The following SULF2 variants were observed in gnomAD, a reference collection of about 807,000 sequenced individuals.
The protein encoded by SULF2 is sulfatase 2.
SULF2 carries 52 observed loss-of-function variants against 107.7 expected under a neutral mutation model. That is an observed-to-expected ratio of 0.48 (90% CI 0.39 to 0.61). SULF2 has a LOEUF of 0.61. Ranked by LOEUF, SULF2 falls within the 20% of genes least tolerant of loss-of-function variation. SULF2 has a pLI of 0.00. For synonymous variants in SULF2, 460 were observed against 464.3 expected, an observed-to-expected ratio of 0.99 and a Z score of 0.12; for missense variants, 993 against 1,177.3, an observed-to-expected ratio of 0.84 and a Z score of 2.29.
chr20:47,672,416 G>T (rs576450340), intron 10 of SULF2, 23 bp from the exon 11 acceptor site: 1 of 1,553,576 alleles, frequency 6.4e-7, no homozygotes, highest in South Asian at 1.2e-5. Context: ...CCAGGGCCTC[G>T]GCCAGCTGCT....
chr20:47,659,641 A>G (rs2087001690), intron 19 of SULF2, 56 bp downstream of exon 19: 1 of 1,508,776 alleles, frequency 6.6e-7, no homozygotes, highest in Non-Finnish European at 9.2e-7. Flanking sequence ...GATGAGACTG[A>G]AGGATGGGCC....
chr20:47,770,997 A>C (rs934580592), intron 1 of SULF2, among the ~76,000 whole-genome samples: 1 of 152,090 alleles, frequency 6.6e-6, no homozygotes, highest in African/African-American at 2.4e-5. Flanking sequence ...TCAACAAAGG[A>C]GCATCAAGGT....
At chr20:47,734,529 A>G (rs761020215) in intron 3 of SULF2, among the ~76,000 whole-genome samples, 5 of 152,242 alleles carry the variant, frequency 3.3e-5, no homozygotes, top group Non-Finnish European at 5.9e-5. Flanking sequence ...CACTTTAAAC[A>G]ACAACTCAAT....
chr20:47,780,562 A>AT (rs996733823), intron 1 of SULF2, among the ~76,000 whole-genome samples: 4 of 150,316 alleles, frequency 2.7e-5, no homozygotes, highest in African/African-American at 7.3e-5. Context: ...TTTCTTTTAA[A>AT]TTTTTTTTTG....
In SULF2 at chr20:47,680,615, C is replaced by T. The variant is rs746918656; in HGVS notation, c.1065-1811G>A. On this transcript the variant is annotated intron_variant, in intron 7 of 20. Coordinates refer to ENST00000688720, the MANE Select transcript of SULF2 (RefSeq NM_001387048.1). The surrounding 1 kb of genome is among the most constrained non-coding windows in gnomAD (Gnocchi z 4.2). ...TCTCCCCAGTCCAGTGCCCTGTGAA[C>T]GTCGGGCAGGCTGCCAAGCATGTGT... 2.1e-4 allele frequency among the ~76,000 whole-genome samples: 32 copies of T among 152,194 alleles called. No homozygotes were observed. The highest frequency in any genetic ancestry group is 4.3e-4 in the Non-Finnish European group (29 of 68,038).
chr20:47,728,612 G>A (rs544001778), intron 3 of SULF2, among the ~76,000 whole-genome samples: 1 of 152,270 alleles, frequency 6.6e-6, no homozygotes, highest in East Asian at 1.9e-4. Context: ...CGAGGGCACA[G>A]AACAGAGGCC....
At position 47,659,732 on chromosome 20, in the gene SULF2, T is replaced by G. The variant is rs113114196; in HGVS notation, c.2495-2A>C. ...CATAGCTTCCTCCATCTTTAAGTCC[T>G]AAATGAAGGAGAAATGAAAAACAAA... is the stretch of plus-strand genomic sequence containing the variant. On this transcript the variant is annotated splice_acceptor_variant, in intron 18 of 20. Coordinates refer to ENST00000688720, the MANE Select transcript of SULF2 (RefSeq NM_001387048.1). LOFTEE classifies it high-confidence loss of function. The G allele has an allele frequency of 1.2e-6, 2 of 1,612,380 alleles. No homozygotes were observed. The highest frequency in any genetic ancestry group is 2.2e-5 in the South Asian group (2 of 90,932).
In SULF2 at chr20:47,694,638, C is replaced by T. The variant is rs2088314528; in HGVS notation, c.568-4343G>A. 6.6e-6 allele frequency among the ~76,000 whole-genome samples: 1 copy of T among 152,160 alleles called. No individual in the cohort carries two copies. Among genetic ancestry groups the T allele is most frequent in the Non-Finnish European group, 1.5e-5 (1 of 68,042 alleles). On this transcript the variant is annotated intron_variant, in intron 4 of 20. Transcript: ENST00000688720. The surrounding 1 kb of genome is among the most constrained non-coding windows in gnomAD (Gnocchi z 4.4). Reference sequence around the variant, plus strand: ...CCCCTCTGGCAAGCACCCTCTGAGCCTCAGGTGATTCCTGCAGGCATCCAC... The same window carrying T: ...CCCCTCTGGCAAGCACCCTCTGAGCTTCAGGTGATTCCTGCAGGCATCCAC...
At chr20:47,677,244 C>A (rs1341227935) in intron 8 of SULF2, 110 bp from the exon 9 acceptor site, 2 of 1,206,278 alleles carry the variant, frequency 1.7e-6, no homozygotes, top group Non-Finnish European at 2.4e-6. Flanking sequence ...TTACGGTCAG[C>A]CTGGACAGCA....
intron 13 of SULF2, 77 bp from the exon 14 acceptor site, chr20:47,665,370 A>ACGCTGC (rs1049760501): frequency 1.8e-5 from 17 of 961,882 alleles, no homozygotes; most frequent in Admixed American, 5.1e-5. Flanking sequence ...GACTGCCCCC[A>ACGCTGC]CGCTGCCGTG....
At chr20:47,759,408 G>A (rs904652820) in intron 1 of SULF2, among the ~76,000 whole-genome samples, 1 of 152,082 alleles carries the variant, frequency 6.6e-6, no homozygotes, top group Non-Finnish European at 1.5e-5. Context: ...AATAACTCCC[G>A]CAGCTGTGCG....
intron 3 of SULF2, among the ~76,000 whole-genome samples, chr20:47,716,341 C>T (rs960604568): frequency 2.6e-5 from 4 of 152,142 alleles, no homozygotes; most frequent in African/African-American, 9.7e-5. Context: ...CCTGTCTCTA[C>T]TAAAAATACA....
chr20:47,779,595 G>T (rs1010372341), intron 1 of SULF2, among the ~76,000 whole-genome samples: 3 of 152,002 alleles, frequency 2.0e-5, no homozygotes, highest in African/African-American at 7.2e-5. Flanking sequence ...CCCTCCAATG[G>T]TTCTCCATTT....
chr20:47,753,688 A>T (rs1056963109), intron 2 of SULF2, among the ~76,000 whole-genome samples: 1 of 152,248 alleles, frequency 6.6e-6, no homozygotes, highest in East Asian at 1.9e-4. Context: ...CAAGTCATAG[A>T]TCAGAACTGG....
chr20:47,748,363 A>G (rs568637044), intron 2 of SULF2, among the ~76,000 whole-genome samples: 1 of 152,172 alleles, frequency 6.6e-6, no homozygotes, highest in South Asian at 2.1e-4. Flanking sequence ...TAGGCCACAC[A>G]ACCCCACTTC....
chr20:47,760,650 T>G (rs930740991), intron 1 of SULF2, among the ~76,000 whole-genome samples: 9 of 152,190 alleles, frequency 5.9e-5, no homozygotes, highest in African/African-American at 2.2e-4. Context: ...TATGTCAGGC[T>G]GGCCAGGACA....
chr20:47,779,153 A>G (rs1009544675), intron 1 of SULF2, among the ~76,000 whole-genome samples: 2 of 152,208 alleles, frequency 1.3e-5, no homozygotes, highest in East Asian at 1.9e-4. Context: ...GGCAGGATAC[A>G]TCATGAATAT....
rs147814079 is a variant in SULF2, at chr20:47,778,454, G to A, written c.-101+6889C>T. 4.5e-3 allele frequency among the ~76,000 whole-genome samples: 685 copies of A among 152,374 alleles called. 2 individuals are homozygous for A. Among genetic ancestry groups the A allele is most frequent in the Non-Finnish European group, 6.5e-3 (439 of 68,036 alleles). On this transcript the variant is annotated intron_variant, in intron 1 of 20. Transcript: ENST00000688720. ...AGATGACGCTCCATGGCAGAGGCCAGGGCCACTGGGCAACGTGTGCTTTGG... is the reference window on the plus strand; with the variant it reads ...AGATGACGCTCCATGGCAGAGGCCAAGGCCACTGGGCAACGTGTGCTTTGG...
rs929126186 is a variant in SULF2 at position 47,688,466 on chromosome 20, G to A, written c.737+1660C>T. On this transcript the variant is annotated intron_variant, in intron 5 of 20. Coordinates refer to ENST00000688720, the MANE Select transcript of SULF2 (RefSeq NM_001387048.1). ...AATTTCATCATGAAATTCCGGCACC[G>A]CTCGCTGCTGTTTGGGGTGAAGCCG... 8.5e-5 allele frequency among the ~76,000 whole-genome samples: 13 copies of A among 152,176 alleles called. 1 individual carries two copies. Among genetic ancestry groups the A allele is most frequent in the Non-Finnish European group, 1.0e-4 (7 of 68,040 alleles).
Sources: allele counts gnomAD v4.1 joint callset (sites outside exome capture counted in the v4.1 genomes callset), GRCh38; gene constraint gnomAD v4.1.1; non-coding constraint Gnocchi (gnomAD v3.1); transcripts MANE v1.5; gene names NCBI Gene and HGNC (gene_info 2026-07-23, HGNC 2026-07-21).